CCSER1: variants seen among roughly 807,000 people sequenced by gnomAD.
The protein encoded by CCSER1 is coiled-coil serine rich protein 1, also known as serine-rich coiled-coil domain-containing protein 1.
CCSER1 carries 41 observed loss-of-function variants against 82.0 expected under a neutral mutation model. The observed-to-expected ratio is 0.50, with a 90% CI of 0.39 to 0.65. The LOEUF is 0.65. Ranked by LOEUF, CCSER1 falls within the 30% of genes least tolerant of loss-of-function variation. CCSER1 has a pLI of 0.00. For synonymous variants in CCSER1, 414 were observed against 383.9 expected (o/e 1.08, Z -0.92); for missense variants, 1,119 against 1,064.2 (o/e 1.05, Z -0.72).
At chr4:90,730,516 A>G (rs747345901) in intron 7 of CCSER1, among the ~76,000 whole-genome samples, 7 of 152,204 alleles carry the variant, frequency 4.6e-5, no homozygotes, top group African/African-American at 7.2e-5. Flanking sequence ...CACGAACTAA[A>G]TCCCTGCATT....
At chr4:91,167,501 A>T (rs1323989706) in intron 10 of CCSER1, among the ~76,000 whole-genome samples, 1 of 152,188 alleles carries the variant, frequency 6.6e-6, no homozygotes, top group Non-Finnish European at 1.5e-5. Context: ...GCAATACTTA[A>T]ACTTAAGTGC....
rs552677323 is a variant in CCSER1, at chr4:90,555,526, T to A, written c.1725-72499T>A. ...AATTCCTATAAGAACTTGTTTGATA[T>A]GAGATTGTGCTCTTCTCAAATAACT... On this transcript the variant is annotated intron_variant, in intron 5 of 10. Transcript: ENST00000509176. Among the ~76,000 whole-genome samples, 311 of 152,248 alleles carry A rather than the reference T, an allele frequency of 2.0e-3. 1 individual carries two copies. The highest frequency in any genetic ancestry group is 7.3e-3 in the African/African-American group (303 of 41,582).
chr4:90,746,464 TC>T (rs1489023313), intron 7 of CCSER1, among the ~76,000 whole-genome samples: 2 of 152,156 alleles, frequency 1.3e-5, no homozygotes, highest in African/African-American at 2.4e-5. Flanking sequence ...ACACATAATA[TC>T]AGCCTACCAA....
chr4:91,357,650 G>GT (rs529960037), intron 10 of CCSER1, among the ~76,000 whole-genome samples: 2,673 of 151,344 alleles, frequency 0.018, 70 homozygotes, highest in African/African-American at 0.061. Flanking sequence ...CACATAAACT[G>GT]TTTTTTTTAA....
intron 3 of CCSER1, among the ~76,000 whole-genome samples, chr4:90,355,815 T>C (rs2153515206): frequency 6.6e-6 from 1 of 152,124 alleles, no homozygotes; most frequent in South Asian, 2.1e-4. Context: ...CTGCACTTGC[T>C]GAACAAATTG....
intron 10 of CCSER1, among the ~76,000 whole-genome samples, chr4:91,153,225 C>T (rs1229479339): frequency 6.6e-6 from 1 of 151,858 alleles, no homozygotes; most frequent in Non-Finnish European, 1.5e-5. Context: ...ACTGTTTTTT[C>T]TCTAAACCTC....
chr4:91,031,150 T>C (rs1740947041), intron 9 of CCSER1, among the ~76,000 whole-genome samples: 1 of 152,166 alleles, frequency 6.6e-6, no homozygotes, highest in South Asian at 2.1e-4. Flanking sequence ...TTAGGCAGTA[T>C]ACAAAATAAG....
chr4:91,118,498 C>T (rs1391518939), intron 10 of CCSER1, among the ~76,000 whole-genome samples: 1 of 151,992 alleles, frequency 6.6e-6, no homozygotes, highest in Non-Finnish European at 1.5e-5. Context: ...TGGTCTCTAA[C>T]TCCTGGGCTC....
intron 10 of CCSER1, among the ~76,000 whole-genome samples, chr4:91,181,335 A>G (rs1412588023): frequency 6.6e-6 from 1 of 152,244 alleles, no homozygotes; most frequent in Non-Finnish European, 1.5e-5. Flanking sequence ...CATTGAAATC[A>G]CAGAACTTCC....
intron 4 of CCSER1, among the ~76,000 whole-genome samples, chr4:90,402,835 T>C (rs1173633660): frequency 1.3e-5 from 2 of 152,202 alleles, no homozygotes; most frequent in East Asian, 3.9e-4. Context: ...ATTAATTTAT[T>C]TTAAATAAAA....
intron 10 of CCSER1, among the ~76,000 whole-genome samples, chr4:91,594,462 CAT>C (rs1230144221): frequency 1.4e-5 from 2 of 147,696 alleles, no homozygotes; most frequent in African/African-American, 5.0e-5. Context: ...TATATACACA[CAT>C]ATATACATAT....
chr4:91,523,000 G>T (rs1320671731), intron 10 of CCSER1, among the ~76,000 whole-genome samples: 1 of 152,112 alleles, frequency 6.6e-6, no homozygotes, highest in Non-Finnish European at 1.5e-5. Context: ...GTATGATATT[G>T]GCTGTGGGTT....
intron 9 of CCSER1, among the ~76,000 whole-genome samples, chr4:91,033,157 G>A (rs576351109): frequency 8.5e-4 from 130 of 152,198 alleles, no homozygotes; most frequent in Admixed American, 1.4e-3. Flanking sequence ...GTCCTGGCAC[G>A]AAATAGAATA....
chr4:90,502,339 C>A (rs570915016), intron 5 of CCSER1, among the ~76,000 whole-genome samples: 16 of 152,216 alleles, frequency 1.1e-4, no homozygotes, highest in African/African-American at 3.9e-4. Flanking sequence ...TTTAAACAAT[C>A]AGATCTCTTG....
At chr4:90,786,865 G>A (rs897086) in intron 7 of CCSER1, among the ~76,000 whole-genome samples, 102,639 of 152,128 alleles carry the variant, frequency 0.67, 34,839 homozygotes, top group African/African-American at 0.74. Context: ...TCAGACATCA[G>A]TTGCAAGTCT....
chr4:90,808,213 C>G (rs1442022603), intron 7 of CCSER1, among the ~76,000 whole-genome samples: 1 of 152,026 alleles, frequency 6.6e-6, no homozygotes, highest in Non-Finnish European at 1.5e-5. Flanking sequence ...AACTGGATCC[C>G]TATTCTCACC....
chr4:90,715,904 C>A (rs995610156), intron 6 of CCSER1, among the ~76,000 whole-genome samples: 4 of 151,844 alleles, frequency 2.6e-5, no homozygotes, highest in Non-Finnish European at 2.9e-5. Context: ...CACTTCAGCT[C>A]TGTTTGTAAT....
At chr4:91,266,714 T>C (rs982891839) in intron 10 of CCSER1, among the ~76,000 whole-genome samples, 1 of 152,192 alleles carries the variant, frequency 6.6e-6, no homozygotes, top group Non-Finnish European at 1.5e-5. Context: ...GCTTAACATA[T>C]GGAAATATAT....
At chr4:90,668,327 A>C (rs1048718780) in intron 6 of CCSER1, among the ~76,000 whole-genome samples, 13 of 152,182 alleles carry the variant, frequency 8.5e-5, no homozygotes, top group African/African-American at 2.9e-4. Context: ...TGTCTCCTCC[A>C]AGCATCCTTC....
Sources: gnomAD v4.1 joint callset for allele counts (sites outside exome capture counted in the v4.1 genomes callset) on GRCh38, gnomAD v4.1.1 for gene constraint, MANE v1.5 for transcripts, NCBI Gene and HGNC (gene_info 2026-07-23, HGNC 2026-07-21) for gene names.